The following FAT1 variants were observed in gnomAD, a reference collection of about 807,000 sequenced individuals.
FAT1 encodes the protein FAT atypical cadherin 1.
In FAT1, 171 loss-of-function variants were observed where a neutral mutation model predicts 329.8. That is an observed-to-expected ratio of 0.52 (90% CI 0.46 to 0.59). The LOEUF is 0.59. Ranked by LOEUF, FAT1 falls within the 20% of genes least tolerant of loss-of-function variation. FAT1 has a pLI of 0.00. For synonymous variants in FAT1, 2,233 were observed against 2,228.6 expected, an observed-to-expected ratio of 1.00 and a Z score of -0.06; for missense variants, 5,672 against 5,774.4, an observed-to-expected ratio of 0.98 and a Z score of 0.57.
intron 4 of FAT1, among the ~76,000 whole-genome samples, chr4:186,638,765 A>AAAACCAG (rs2126568961): frequency 1.3e-5 from 2 of 149,704 alleles, no homozygotes; most frequent in African/African-American, 5.1e-5. Context: ...AATTTTCAAA[A>AAAACCAG]GTTACAGTTT....
rs1738814988 is a variant in FAT1 at position 186,601,431 on chromosome 4, G to A, written c.11483-5C>T. 1 of 1,601,906 alleles carries A rather than the reference G, an allele frequency of 6.2e-7. No individual in the cohort carries two copies. The highest frequency in any genetic ancestry group is 2.2e-5 in the East Asian group (1 of 44,586). ...TCAGTGTCATAGATGAACTCCCTGT[G>A]AATCACACAGAGGAAAAAATAAACC... On this transcript the variant is annotated splice_polypyrimidine_tract_variant and splice_region_variant and intron_variant, in intron 20 of 26. Coordinates refer to ENST00000441802, the MANE Select transcript of FAT1 (RefSeq NM_005245.4).
intron 7 of FAT1, among the ~76,000 whole-genome samples, chr4:186,633,133 T>C (rs548339149): frequency 7.2e-5 from 11 of 152,244 alleles, no homozygotes; most frequent in African/African-American, 2.2e-4. Flanking sequence ...AGAAAAGTAA[T>C]AAGAAAGAAC....
chr4:186,699,451 T>C (rs757144686), intron 2 of FAT1, among the ~76,000 whole-genome samples: 2 of 152,216 alleles, frequency 1.3e-5, no homozygotes, highest in Non-Finnish European at 2.9e-5. Flanking sequence ...ACTGTTGAAC[T>C]GGCAAGGCAA....
intron 2 of FAT1, among the ~76,000 whole-genome samples, chr4:186,666,632 T>A (rs1742450264): frequency 6.6e-6 from 1 of 152,242 alleles, no homozygotes. Flanking sequence ...AATTCATGCT[T>A]CCATCTACTG....
rs768414337 is a variant in FAT1 at position 186,589,176 on chromosome 4, G to A, written c.13183C>T (p.Pro4395Ser). The change falls in exon 27 of 27, where the codon CCG (proline) becomes TCG (serine). Residue 4395 changes from proline to serine, a missense_variant. By Grantham distance (74) the Pro-to-Ser change is moderately conservative. Around this residue, in one of 2 missense-constraint regions of FAT1, gnomAD observed 1,706 missense variants for 1,859.1 expected, o/e 0.92. Transcript: ENST00000441802. ...TSDWMPSVPLPDIQEFPNYEV... is the reference protein window; with the variant it reads ...TSDWMPSVPLSDIQEFPNYEV... ...TAGTTGGGGAACTCTTGTATGTCCG[G>A]CAGAGGAACGCTTGGCATCCAATCT... is the stretch of plus-strand genomic sequence containing the variant. 2 of 1,613,480 alleles carry A rather than the reference G, an allele frequency of 1.2e-6. No individual in the cohort carries two copies. Among genetic ancestry groups the A allele is most frequent in the East Asian group, 4.5e-5 (2 of 44,880 alleles).
In FAT1 at chr4:186,597,326, C is replaced by T. The variant is rs1247143839; in HGVS notation, c.12369-155G>A. ...CAACTAAAAAATGTAACGTCGACAACCACGAGAAAAGACCTTCTGTGGAGA... is the reference window on the plus strand; with the variant it reads ...CAACTAAAAAATGTAACGTCGACAATCACGAGAAAAGACCTTCTGTGGAGA... On this transcript the variant is annotated intron_variant, in intron 24 of 26. Coordinates refer to ENST00000441802, the MANE Select transcript of FAT1 (RefSeq NM_005245.4). 6.2e-6 allele frequency: 5 copies of T among 803,596 alleles called. No homozygotes were observed. In the East Asian group the frequency reaches 1.1e-4, roughly 18 times the overall value. 49.8% of individuals were successfully genotyped at this position (803,596 alleles called of 1,614,324 possible).
chr4:186,637,153 C>T (rs886149274), intron 4 of FAT1, among the ~76,000 whole-genome samples: 1 of 152,048 alleles, frequency 6.6e-6, no homozygotes, highest in African/African-American at 2.4e-5. Flanking sequence ...ACAGCTGCAC[C>T]CCTGCGCGCC....
Position 186,620,956 on chromosome 4 carries a change from G to C in FAT1, c.5630C>G (p.Pro1877Arg), listed in dbSNP as rs2126520770. 1 of 1,613,732 alleles carries C rather than the reference G, an allele frequency of 6.2e-7. No homozygotes were observed. The highest frequency in any genetic ancestry group is 8.5e-7 in the Non-Finnish European group (1 of 1,179,884). ...TTCATATAATGGCTTGGCAAACACA[G>C]GGGGGCAGTCATTAATGTCAATTAC... is the stretch of plus-strand genomic sequence containing the variant. ...VHVIDINDCP[P>R]VFAKPLYEAS... The change falls in exon 10 of 27, where the codon CCT (proline) becomes CGT (arginine). Residue 1877 changes from proline to arginine, a missense_variant. Transcript: ENST00000441802.
intron 2 of FAT1, among the ~76,000 whole-genome samples, chr4:186,672,779 T>G (rs1234667682): frequency 6.6e-6 from 1 of 152,206 alleles, no homozygotes; most frequent in Non-Finnish European, 1.5e-5. Flanking sequence ...CAGACAATCG[T>G]GCTAAATGTT....
At chr4:186,593,931 C>G (rs1364615277) in intron 26 of FAT1, among the ~76,000 whole-genome samples, 2 of 152,160 alleles carry the variant, frequency 1.3e-5, no homozygotes, top group Non-Finnish European at 2.9e-5. Flanking sequence ...AGCAGACTTT[C>G]AGTTTACAAC....
rs1478918472 is a variant in FAT1 at position 186,633,840 on chromosome 4, A to G, written c.4184-17T>C. 6 of 1,613,942 alleles carry G rather than the reference A, an allele frequency of 3.7e-6. No individual in the cohort carries two copies. The highest frequency in any genetic ancestry group is 5.1e-6 in the Non-Finnish European group (6 of 1,179,838). Reference sequence around the variant, plus strand: ...AGTTGCCACCTAATTTGGGGAAAAAAAAGTAAAAACAGGTCACAGGATAAC... The same window carrying G: ...AGTTGCCACCTAATTTGGGGAAAAAGAAGTAAAAACAGGTCACAGGATAAC... On this transcript the variant is annotated splice_polypyrimidine_tract_variant and intron_variant, in intron 6 of 26. Coordinates refer to ENST00000441802, the MANE Select transcript of FAT1 (RefSeq NM_005245.4).
Position 186,708,361 on chromosome 4 carries a change from G to T in FAT1, c.1467C>A (p.Asp489Glu), listed in dbSNP as rs1388873023. 1 of 1,613,888 alleles carries T rather than the reference G, an allele frequency of 6.2e-7. No individual in the cohort carries two copies. Among genetic ancestry groups the T allele is most frequent in the Non-Finnish European group, 8.5e-7 (1 of 1,179,838 alleles). Residue 489 changes from aspartate to glutamate, a missense_variant, in exon 2 of 27, where the codon GAC (aspartate) becomes GAA (glutamate). Asp to Glu is a conservative substitution (Grantham distance 45, BLOSUM62 2). Coordinates refer to ENST00000441802, the MANE Select transcript of FAT1 (RefSeq NM_005245.4). ...GTTVMSLSAV[D>E]PDEGENGYVT... is the part of the protein sequence containing the mutation. ...CGTACCCGTTCTCACCCTCATCAGGGTCTACGGCACTCAGGCTCATGACAG... is the reference window on the plus strand; with the variant it reads ...CGTACCCGTTCTCACCCTCATCAGGTTCTACGGCACTCAGGCTCATGACAG...
At chr4:186,617,639 G>A (rs1739774704) in intron 10 of FAT1, 69 bp downstream of exon 10, 2 of 1,306,648 alleles carry the variant, frequency 1.5e-6, no homozygotes, top group East Asian at 2.4e-5. Context: ...ATACAATACA[G>A]ATCTTATACT....
Position 186,619,165 on chromosome 4 carries a change from C to CTT in FAT1, c.7419_7420dup (p.Ser2474LysfsTer8). On this transcript the variant is annotated frameshift_variant, in exon 10 of 27. Transcript: ENST00000441802. LOFTEE classifies it high-confidence loss of function. ...TACAGTTACATGAACCTGGGTGGAA[C>CTT]TTCTAAAAACTCCATCAGACACTGA... 6.2e-7 allele frequency: 1 copy of CTT among 1,613,940 alleles called. No homozygotes were observed. The highest frequency in any genetic ancestry group is 8.5e-7 in the Non-Finnish European group (1 of 1,179,902).
intron 12 of FAT1, among the ~76,000 whole-genome samples, 158 bp downstream of exon 12, chr4:186,614,033 T>C (rs577125654): frequency 6.6e-6 from 1 of 152,326 alleles, no homozygotes; most frequent in South Asian, 2.1e-4. Context: ...ACGCACTAAA[T>C]TGCTGGTAAG....
chr4:186,594,785 T>C (rs1738423166), intron 26 of FAT1, among the ~76,000 whole-genome samples: 1 of 150,080 alleles, frequency 6.7e-6, no homozygotes, highest in African/African-American at 2.4e-5. Flanking sequence ...TATGGATTTA[T>C]GGACTATATG....
chr4:186,682,205 T>C (rs544067377), intron 2 of FAT1, among the ~76,000 whole-genome samples: 2 of 152,138 alleles, frequency 1.3e-5, no homozygotes, highest in African/African-American at 4.8e-5. Context: ...TTTCAAAATA[T>C]TATTACTTAT....
At chr4:186,604,607 A>G (rs779646200) in intron 17 of FAT1, 33 bp from the exon 18 acceptor site, 2 of 1,493,944 alleles carry the variant, frequency 1.3e-6, no homozygotes, top group South Asian at 1.2e-5. Flanking sequence ...TTAAACAAAA[A>G]TCCTGGAACA....
intron 6 of FAT1, 149 bp downstream of exon 6, chr4:186,635,876 T>C: frequency 4.4e-6 from 3 of 677,936 alleles, no homozygotes; most frequent in Non-Finnish European, 7.4e-6. Context: ...AATTTTGCAA[T>C]CAAAATATTA....
Sources: gnomAD v4.1 joint callset for allele counts (sites outside exome capture counted in the v4.1 genomes callset) on GRCh38, gnomAD v4.1.1 for gene constraint, gnomAD v4.1.1 regional missense constraint, MANE v1.5 for transcripts, NCBI Gene and HGNC (gene_info 2026-07-23, HGNC 2026-07-21) for gene names.